KLHL1: variants seen among roughly 807,000 people sequenced by gnomAD.
KLHL1 encodes the protein kelch-like protein 1.
A neutral mutation model predicts 77.7 loss-of-function variants in KLHL1; 47 were observed. The observed-to-expected ratio is 0.60, with a 90% CI of 0.48 to 0.77. KLHL1 has a LOEUF of 0.77. KLHL1 is among the 30% of genes least tolerant of loss of function. The probability of loss-of-function intolerance (pLI) is 0.00; values close to 1 mark genes in which losing one functional copy is unlikely to be tolerated. For synonymous variants in KLHL1, 360 were observed against 325.2 expected, an observed-to-expected ratio of 1.11 and a Z score of -1.15; for missense variants, 925 against 910.8, an observed-to-expected ratio of 1.02 and a Z score of -0.20.
At chr13:69,855,170 A>C (rs2138138709) in intron 5 of KLHL1, among the ~76,000 whole-genome samples, 1 of 152,162 alleles carries the variant, frequency 6.6e-6, no homozygotes, top group African/African-American at 2.4e-5. Flanking sequence ...AGTGGCACTA[A>C]GTACTAGTCA....
At chr13:69,895,713 C>T (rs1263417209) in intron 4 of KLHL1, among the ~76,000 whole-genome samples, 5 of 140,782 alleles carry the variant, frequency 3.6e-5, no homozygotes, top group South Asian at 2.2e-4. Flanking sequence ...TTCTTTTTTC[C>T]TTTTTTTTTT....
At chr13:69,903,981 A>C (rs879268802) in intron 4 of KLHL1, among the ~76,000 whole-genome samples, 3 of 151,794 alleles carry the variant, frequency 2.0e-5, no homozygotes, top group Non-Finnish European at 2.9e-5. Flanking sequence ...CATTGAAGAA[A>C]TGTTTACTAT....
intron 4 of KLHL1, among the ~76,000 whole-genome samples, chr13:69,889,756 G>A (rs1010341027): frequency 7.2e-5 from 11 of 151,968 alleles, no homozygotes; most frequent in African/African-American, 2.7e-4. Context: ...TGTAAATGAG[G>A]ATGAAAATAG....
intron 8 of KLHL1, among the ~76,000 whole-genome samples, chr13:69,736,932 G>A (rs543528143): frequency 1.9e-4 from 29 of 152,128 alleles, no homozygotes; most frequent in African/African-American, 3.1e-4. Context: ...CTCTGCTCTC[G>A]GCTCCCAGTG....
chr13:69,961,249 A>G (rs1173457298), intron 3 of KLHL1, 59 bp downstream of exon 3: 1 of 1,526,872 alleles, frequency 6.5e-7, no homozygotes, highest in Non-Finnish European at 8.9e-7. Flanking sequence ...CCTGTACTTA[A>G]AGGAAATGAG....
intron 8 of KLHL1, among the ~76,000 whole-genome samples, chr13:69,728,541 AC>A (rs957231892): frequency 2.4e-4 from 36 of 151,798 alleles, no homozygotes; most frequent in African/African-American, 8.5e-4. Flanking sequence ...AGCTTTGCAC[AC>A]CTGTAATTCT....
At position 69,723,840 on chromosome 13, in the gene KLHL1, A is replaced by ATTTTT. The variant is rs746350927; in HGVS notation, c.1803-4264_1803-4260dup. On this transcript the variant is annotated intron_variant, in intron 8 of 10. Coordinates refer to ENST00000377844, the MANE Select transcript of KLHL1 (RefSeq NM_020866.3). Reference sequence around the variant, plus strand: ...CTCTTTCAGCCAGTTGCCAGTCAGAATTTTTTTTTTTTTTTTTTCTGAGAC... The same window carrying ATTTTT: ...CTCTTTCAGCCAGTTGCCAGTCAGAATTTTTTTTTTTTTTTTTTTTTTTCTGAGAC... Among the ~76,000 whole-genome samples the ATTTTT allele has an allele frequency of 1.4e-3, 79 of 58,330 alleles. 3 individuals carry two copies. Among genetic ancestry groups the ATTTTT allele is most frequent in the African/African-American group, 2.7e-3 (71 of 26,310 alleles). 38.3% of individuals were successfully genotyped at this position (58,330 alleles called of 152,430 possible).
intron 1 of KLHL1, among the ~76,000 whole-genome samples, chr13:69,996,897 T>TTTTA (rs1239024028): frequency 6.7e-6 from 1 of 149,100 alleles, no homozygotes; most frequent in East Asian, 2.0e-4. Flanking sequence ...AAAGTTCTTA[T>TTTTA]TTTATTCATT....
At chr13:69,932,841 A>C (rs1312250440) in intron 4 of KLHL1, among the ~76,000 whole-genome samples, 1 of 152,026 alleles carries the variant, frequency 6.6e-6, no homozygotes, top group African/African-American at 2.4e-5. Flanking sequence ...AATTGCCTGT[A>C]AAGAATAGTG....
chr13:69,715,308 T>C (rs1876067815), intron 9 of KLHL1, among the ~76,000 whole-genome samples: 1 of 152,060 alleles, frequency 6.6e-6, no homozygotes. Context: ...GTTTCCCCCA[T>C]GCTATTCTTG....
rs542138400 is a variant in KLHL1 at position 69,982,485 on chromosome 13, A to G, written c.498-6683T>C. 8.9e-5 allele frequency among the ~76,000 whole-genome samples: 13 copies of G among 146,194 alleles called. No homozygotes were observed. The South Asian group carries it at 2.6e-3, about 29-fold the overall frequency. ...ATAATAATAATAATAATAATAAAATAAAAAGCAATAAATCAAAACATGTTA... is the reference window on the plus strand; with the variant it reads ...ATAATAATAATAATAATAATAAAATGAAAAGCAATAAATCAAAACATGTTA... On this transcript the variant is annotated intron_variant, in intron 1 of 10. Transcript: ENST00000377844.
chr13:69,793,774 G>A lies in KLHL1; in HGVS notation c.1639+2964C>T, dbSNP rs76458294. On this transcript the variant is annotated intron_variant, in intron 7 of 10. Transcript: ENST00000377844. ...TTTCACACTTAAACCCAATCCTGCCGATTATACTGAAGAGAGAGTAATCAT... is the reference window on the plus strand; with the variant it reads ...TTTCACACTTAAACCCAATCCTGCCAATTATACTGAAGAGAGAGTAATCAT... Among the ~76,000 whole-genome samples, 1,150 of 152,152 alleles carry A rather than the reference G, an allele frequency of 7.6e-3. 15 individuals carry two copies. The highest frequency in any genetic ancestry group is 0.026 in the African/African-American group (1,073 of 41,508).
intron 1 of KLHL1, among the ~76,000 whole-genome samples, chr13:70,099,503 T>A (rs2137452507): frequency 6.6e-6 from 1 of 152,096 alleles, no homozygotes; most frequent in Non-Finnish European, 1.5e-5. Context: ...AGCATCAAAT[T>A]CTGTAAAGTA....
intron 5 of KLHL1, among the ~76,000 whole-genome samples, chr13:69,847,595 C>T (rs180794326): frequency 6.6e-6 from 1 of 151,418 alleles, no homozygotes; most frequent in East Asian, 1.9e-4. Context: ...ACTAACTCTT[C>T]TAAAACTATA....
At chr13:69,851,759 C>A (rs933195270) in intron 5 of KLHL1, among the ~76,000 whole-genome samples, 1 of 151,678 alleles carries the variant, frequency 6.6e-6, no homozygotes, top group Non-Finnish European at 1.5e-5. Context: ...CCCAAGTTAT[C>A]ATTTACAGTA....
chr13:69,840,052 TAA>T (rs1218538579), intron 5 of KLHL1, among the ~76,000 whole-genome samples: 1 of 151,906 alleles, frequency 6.6e-6, no homozygotes, highest in Non-Finnish European at 1.5e-5. Context: ...TGTACATTGA[TAA>T]AAAAATTGTA....
chr13:69,888,122 A>AT (rs1462859461), intron 4 of KLHL1, among the ~76,000 whole-genome samples: 1 of 152,026 alleles, frequency 6.6e-6, no homozygotes, highest in Non-Finnish European at 1.5e-5. Flanking sequence ...TACAGACAGC[A>AT]TTTTCTTGCT....
intron 1 of KLHL1, among the ~76,000 whole-genome samples, chr13:70,027,900 T>A (rs1885996890): frequency 6.6e-6 from 1 of 152,164 alleles, no homozygotes; most frequent in Admixed American, 6.5e-5. Context: ...ATTGTGGCGA[T>A]GTTACACAGT....
At chr13:69,909,873 T>C (rs995898891) in intron 4 of KLHL1, among the ~76,000 whole-genome samples, 2 of 152,156 alleles carry the variant, frequency 1.3e-5, no homozygotes, top group African/African-American at 4.8e-5. Context: ...CATTTTGTTT[T>C]TCCCCAGGCC....
Sources: gnomAD v4.1 joint callset for allele counts (sites outside exome capture counted in the v4.1 genomes callset) on GRCh38, gnomAD v4.1.1 for gene constraint, MANE v1.5 for transcripts, NCBI Gene and HGNC (gene_info 2026-07-23, HGNC 2026-07-21) for gene names.